Variants in TMEM74 observed in about 807,000 individuals in gnomAD.
TMEM74 encodes the protein transmembrane protein 74.
A neutral mutation model predicts 18.1 loss-of-function variants in TMEM74; 13 were observed. That is an observed-to-expected ratio of 0.72 (90% CI 0.47 to 1.14). TMEM74 has a LOEUF of 1.14. Among genes scored for constraint, TMEM74 ranks in the 50% most tolerant of loss-of-function variants. The pLI, the probability that TMEM74 is intolerant of heterozygous loss-of-function variation, is 0.00. For missense variants in TMEM74, 372 were observed against 375.9 expected, an observed-to-expected ratio of 0.99 and a Z score of 0.09; for synonymous variants, 159 against 146.6, an observed-to-expected ratio of 1.08 and a Z score of -0.61.
intron 1 of TMEM74, among the ~76,000 whole-genome samples, chr8:108,659,740 C>T (rs1044234111): frequency 2.6e-5 from 4 of 152,152 alleles, no homozygotes; most frequent in African/African-American, 9.7e-5. Context: ...TGCCCAGATA[C>T]CCCTCAAGGA....
chr8:108,686,573 C>T (rs1377496877), intron 1 of TMEM74, among the ~76,000 whole-genome samples: 1 of 151,870 alleles, frequency 6.6e-6, no homozygotes, highest in Non-Finnish European at 1.5e-5. Context: ...GCAAATATTA[C>T]AAGAAAACTA....
intron 1 of TMEM74, among the ~76,000 whole-genome samples, chr8:108,753,513 T>C (rs769779281): frequency 2.0e-5 from 3 of 152,148 alleles, no homozygotes; most frequent in African/African-American, 7.2e-5. Flanking sequence ...ATGGCAACTT[T>C]AGGTGTTTCT....
At chr8:108,631,074 A>G (rs1015431069) in intron 2 of TMEM74, among the ~76,000 whole-genome samples, 4 of 152,030 alleles carry the variant, frequency 2.6e-5, no homozygotes, top group Non-Finnish European at 4.4e-5. Flanking sequence ...GTCCTGAAGA[A>G]AAGCCACTTG....
intron 2 of TMEM74, among the ~76,000 whole-genome samples, chr8:108,640,990 C>G (rs1221626431): frequency 2.0e-5 from 3 of 152,090 alleles, no homozygotes; most frequent in Non-Finnish European, 4.4e-5. Flanking sequence ...CTTTTGCTTT[C>G]AACTTTTTCT....
intron 1 of TMEM74, among the ~76,000 whole-genome samples, chr8:108,756,798 GAGGA>G (rs60134137): frequency 0.29 from 35,897 of 122,074 alleles, 5,193 homozygotes; most frequent in East Asian, 0.38. Flanking sequence ...GAGGGAAGGG[GAGGA>G]AGGAAGGAAG....
intron 2 of TMEM74, among the ~76,000 whole-genome samples, chr8:108,651,043 T>TGCTTG (rs1812769951): frequency 6.6e-6 from 1 of 152,146 alleles, no homozygotes; most frequent in African/African-American, 2.4e-5. Flanking sequence ...TATTTAAAAT[T>TGCTTG]GCTTGATACT....
chr8:108,645,302 G>C (rs958576821), intron 2 of TMEM74, among the ~76,000 whole-genome samples: 2 of 152,038 alleles, frequency 1.3e-5, no homozygotes, highest in Admixed American at 6.6e-5. Context: ...GCTAAGCATT[G>C]GGTACACGTG....
chr8:108,677,651 C>T (rs1813068143), intron 1 of TMEM74, among the ~76,000 whole-genome samples: 1 of 151,924 alleles, frequency 6.6e-6, no homozygotes, highest in African/African-American at 2.4e-5. Context: ...CCTCAAACTC[C>T]AGCTATGTTT....
At chr8:108,668,928 C>A (rs578021884) in intron 1 of TMEM74, among the ~76,000 whole-genome samples, 3 of 152,080 alleles carry the variant, frequency 2.0e-5, no homozygotes, top group African/African-American at 7.2e-5. Flanking sequence ...CAGTAGTCTG[C>A]CACAGTTGAA....
chr8:108,714,117 C>G (rs1021275727), intron 1 of TMEM74, among the ~76,000 whole-genome samples: 2 of 152,200 alleles, frequency 1.3e-5, no homozygotes, highest in African/African-American at 4.8e-5. Context: ...GACTCACATG[C>G]TAATCTTCTC....
intron 1 of TMEM74, among the ~76,000 whole-genome samples, chr8:108,664,375 C>CT (rs1812929493): frequency 6.6e-6 from 1 of 151,936 alleles, no homozygotes; most frequent in Non-Finnish European, 1.5e-5. Context: ...ATATTTTATT[C>CT]TTTTTTGTGG....
intron 2 of TMEM74, among the ~76,000 whole-genome samples, chr8:108,653,736 C>T (rs916808488): frequency 1.3e-5 from 2 of 152,046 alleles, no homozygotes; most frequent in African/African-American, 4.8e-5. Context: ...GATTCATTTA[C>T]TCTGTTGTGC....
chr8:108,651,932 A>G (rs1812778717), intron 2 of TMEM74, among the ~76,000 whole-genome samples: 2 of 151,536 alleles, frequency 1.3e-5, no homozygotes, highest in African/African-American at 4.9e-5. Flanking sequence ...TGTTACGACC[A>G]TGTGTCGCTA....
intron 1 of TMEM74, among the ~76,000 whole-genome samples, chr8:108,725,882 T>C (rs983697833): frequency 2.0e-5 from 3 of 152,186 alleles, no homozygotes; most frequent in African/African-American, 7.2e-5. Flanking sequence ...CAAAGGATAA[T>C]GTAACATTTT....
At chr8:108,689,624 C>T (rs1813205069) in intron 1 of TMEM74, among the ~76,000 whole-genome samples, 1 of 152,292 alleles carries the variant, frequency 6.6e-6, no homozygotes, top group East Asian at 1.9e-4. Context: ...GAGAAATCCT[C>T]TCTCCTGAGA....
At chr8:108,642,785 ATC>A in intron 2 of TMEM74, among the ~76,000 whole-genome samples, 1 of 152,208 alleles carries the variant, frequency 6.6e-6, no homozygotes, top group Non-Finnish European at 1.5e-5. Context: ...TGCAAGGCAC[ATC>A]TGTTTTCAGC....
intron 1 of TMEM74, among the ~76,000 whole-genome samples, chr8:108,656,511 C>T (rs1812823117): frequency 6.6e-6 from 1 of 152,128 alleles, no homozygotes; most frequent in African/African-American, 2.4e-5. Context: ...TATATGTAAC[C>T]TCATACACTG....
intron 1 of TMEM74, among the ~76,000 whole-genome samples, chr8:108,764,766 C>A (rs1453401869): frequency 6.6e-6 from 1 of 152,170 alleles, no homozygotes; most frequent in Non-Finnish European, 1.5e-5. Context: ...CTCATCCACT[C>A]TGTCTTATCT....
intron 1 of TMEM74, among the ~76,000 whole-genome samples, chr8:108,684,768 G>A (rs535922380): frequency 7.3e-5 from 11 of 151,278 alleles, no homozygotes; most frequent in African/African-American, 2.7e-4. Flanking sequence ...ATAGGTGAGA[G>A]GCGGGGGGTT....
Sources: allele counts gnomAD v4.1 joint callset (sites outside exome capture counted in the v4.1 genomes callset), GRCh38; gene constraint gnomAD v4.1.1; transcripts MANE v1.5; gene names NCBI Gene and HGNC (gene_info 2026-07-23, HGNC 2026-07-21).